GFM2: variants seen among roughly 807,000 people sequenced by gnomAD.
GFM2 encodes the protein GTP dependent ribosome recycling factor mitochondrial 2, also known as ribosome-releasing factor 2, mitochondrial.
Under a neutral mutation model 95.4 loss-of-function variants are expected in GFM2, and 72 were observed. That is an observed-to-expected ratio of 0.76 (90% confidence interval 0.62 to 0.92). The LOEUF (loss-of-function observed/expected upper bound fraction) is 0.92, where lower values mean the gene tolerates loss of function less well. GFM2 is among the 40% of genes least tolerant of loss of function. The pLI is 0.00. For missense variants in GFM2, 825 were observed against 924.1 expected (o/e 0.89, Z 1.39); for synonymous variants, 276 against 317.5 (o/e 0.87, Z 1.39).
chr5:74,722,221 A>G, intron 20 of GFM2, 158 bp downstream of exon 20: 1 of 647,470 alleles, frequency 1.5e-6, no homozygotes, highest in Non-Finnish European at 2.6e-6. Context: ...ATTTAAATTC[A>G]AAGTCCTAAC....
chr5:74,726,259 C>T, intron 17 of GFM2, 133 bp from the exon 18 acceptor site: 1 of 595,182 alleles, frequency 1.7e-6, no homozygotes, highest in Non-Finnish European at 2.9e-6. Flanking sequence ...TTAACAATGG[C>T]ACTAAATACA....
At chr5:74,751,334 G>T in intron 6 of GFM2, 34 bp downstream of exon 6, 1 of 1,566,354 alleles carries the variant, frequency 6.4e-7, no homozygotes. Context: ...TCCAAATGAC[G>T]CAGCATCTCT....
At chr5:74,759,619 A>G (rs992398583) in intron 3 of GFM2, among the ~76,000 whole-genome samples, 193 bp from the exon 4 acceptor site, 3 of 152,156 alleles carry the variant, frequency 2.0e-5, no homozygotes, top group African/African-American at 7.2e-5. Context: ...ATGACAATAA[A>G]ACAAGGTAAA....
chr5:74,750,482 T>G, intron 7 of GFM2, 97 bp downstream of exon 7: 1 of 736,666 alleles, frequency 1.4e-6, no homozygotes, highest in African/African-American at 1.8e-5. Flanking sequence ...TATGTGAACT[T>G]ACCAAATAGA....
intron 17 of GFM2, among the ~76,000 whole-genome samples, chr5:74,726,392 G>A (rs992123430): frequency 2.7e-4 from 41 of 152,252 alleles, no homozygotes; most frequent in South Asian, 4.1e-4. Flanking sequence ...CACATGTTAC[G>A]AAGATTATAC....
At chr5:74,763,979 G>A (rs747853345) in intron 1 of GFM2, among the ~76,000 whole-genome samples, 1 of 151,682 alleles carries the variant, frequency 6.6e-6, no homozygotes, top group Non-Finnish European at 1.5e-5. Context: ...GGTTTAAAAT[G>A]TCCCTTATTT....
chr5:74,725,918 T>C, intron 18 of GFM2, 23 bp downstream of exon 18: 1 of 1,592,746 alleles, frequency 6.3e-7, no homozygotes, highest in Non-Finnish European at 8.6e-7. Flanking sequence ...ATACTAATGC[T>C]TACTCTCATT....
chr5:74,761,509 A>G (rs1744281102), intron 2 of GFM2, among the ~76,000 whole-genome samples: 1 of 152,194 alleles, frequency 6.6e-6, no homozygotes, highest in South Asian at 2.1e-4. Flanking sequence ...CTCTAAAACC[A>G]TTAGTTGTTT....
intron 10 of GFM2, among the ~76,000 whole-genome samples, chr5:74,744,370 A>G (rs1397425143): frequency 1.3e-5 from 2 of 152,028 alleles, no homozygotes; most frequent in African/African-American, 4.8e-5. Context: ...CTTAAAAAAA[A>G]AAACTATGTA....
Position 74,736,786 on chromosome 5 carries a change from C to G in GFM2, c.1510+10G>C, listed in dbSNP as rs1360803132. ...GCACTAATTAGTTGACACACTAAGA[C>G]CATTTATACCTGGCTGCTTAGACAG... is the stretch of plus-strand genomic sequence containing the variant. On this transcript the variant is annotated intron_variant, in intron 15 of 20. Coordinates refer to ENST00000296805, the MANE Select transcript of GFM2 (RefSeq NM_032380.5). 2 of 1,613,432 alleles carry G rather than the reference C, an allele frequency of 1.2e-6. No homozygotes were observed. The highest frequency in any genetic ancestry group is 1.7e-6 in the Non-Finnish European group (2 of 1,179,570).
rs1265865854 is a variant in GFM2 at position 74,750,634 on chromosome 5, C to A, written c.464G>T (p.Cys155Phe). The A allele has an allele frequency of 1.2e-6, 2 of 1,613,418 alleles. No homozygotes were observed. The highest frequency in any genetic ancestry group is 1.7e-6 in the Non-Finnish European group (2 of 1,179,572). ...CACTGCACCATCCAACACTCTTAGG[C>A]ACCGCTCAACCTCCAAGGTAAAGTC... ...HVDFTLEVERCLRVLDGAVAV... is the reference protein window; with the variant it reads ...HVDFTLEVERFLRVLDGAVAV... The change falls in exon 7 of 21, where the codon TGC becomes TTC. Residue 155 changes from cysteine (C) to phenylalanine (F), a missense_variant. Coordinates refer to ENST00000296805, the MANE Select transcript of GFM2 (RefSeq NM_032380.5).
In GFM2 at chr5:74,747,722, A is replaced by T. The variant is rs1417566686; in HGVS notation, c.578T>A (p.Phe193Tyr). 5 of 1,612,714 alleles carry T rather than the reference A, an allele frequency of 3.1e-6. No individual in the cohort carries two copies. Among genetic ancestry groups the T allele is most frequent in the Non-Finnish European group, 4.2e-6 (5 of 1,178,854 alleles). The stretch of plus-strand genomic sequence containing the variant: ...TCCAGTTTTGTCCATCTTGTTTAAA[A>T]AACAGATTCGAGGTATATTGTGTTT... ...ADKHNIPRIC[F>Y]LNKMDKTGAS... The change falls in exon 8 of 21, where the codon TTT becomes TAT. Residue 193 changes from phenylalanine to tyrosine, a missense_variant. By Grantham distance (22) the Phe-to-Tyr change is conservative. Transcript: ENST00000296805.
rs781014488 is a variant in GFM2 at position 74,725,669 on chromosome 5, A to C, written c.1999T>G (p.Ser667Ala). ...TGCACGCATCTTGAGACACAGGCAG[A>C]AATCATAGTTGTGGAGGTGCCAGGA... ...IHPGTSTTMISACVSRCVQKA... is the reference protein window; with the variant it reads ...IHPGTSTTMIAACVSRCVQKA... The change falls in exon 19 of 21, where the codon TCT becomes GCT. Residue 667 changes from serine to alanine, a missense_variant. Transcript: ENST00000296805. The C allele has an allele frequency of 2.5e-6, 4 of 1,613,646 alleles. No homozygotes were observed. In the East Asian group the frequency reaches 8.9e-5, roughly 36 times the overall value.
intron 17 of GFM2, among the ~76,000 whole-genome samples, chr5:74,728,694 G>C (rs1475189189): frequency 6.8e-6 from 1 of 147,096 alleles, no homozygotes; most frequent in Non-Finnish European, 1.5e-5. Context: ...TTTTTCTCAT[G>C]GTTTTCTGAT....
chr5:74,761,738 C>T (rs566486581), intron 2 of GFM2, among the ~76,000 whole-genome samples: 5 of 152,272 alleles, frequency 3.3e-5, no homozygotes, highest in Admixed American at 2.6e-4. Flanking sequence ...ACCTAACCTT[C>T]TCATGTTCTC....
chr5:74,743,239 G>C (rs867662011), intron 10 of GFM2, among the ~76,000 whole-genome samples: 2 of 152,100 alleles, frequency 1.3e-5, no homozygotes, highest in Admixed American at 6.6e-5. Flanking sequence ...ATCTCTTTGA[G>C]ACTCTTTTCA....
intron 1 of GFM2, among the ~76,000 whole-genome samples, chr5:74,766,004 CA>C (rs988272744): frequency 6.6e-6 from 1 of 150,898 alleles, no homozygotes; most frequent in African/African-American, 2.4e-5. Context: ...CGTCTCAAAA[CA>C]AAACAAAAAC....
chr5:74,746,102 T>C lies in GFM2; in HGVS notation c.669+3A>G. The C allele has an allele frequency of 6.5e-7, 1 of 1,546,972 alleles. No individual in the cohort carries two copies. Among genetic ancestry groups the C allele is most frequent in the South Asian group, 1.2e-5 (1 of 80,052 alleles). ...AAGAAGCTGATGCTATTAACCAATT[T>C]ACCTGTAAAAGCAAAGGCTTTGCCT... On this transcript the variant is annotated splice_donor_region_variant and intron_variant, in intron 9 of 20. Transcript: ENST00000296805.
At chr5:74,723,782 G>A (rs1310768875) in intron 19 of GFM2, among the ~76,000 whole-genome samples, 2 of 152,006 alleles carry the variant, frequency 1.3e-5, no homozygotes, top group Non-Finnish European at 2.9e-5. Flanking sequence ...CCATGCTCAC[G>A]TCCTCCAAAA....
Sources: gnomAD v4.1 joint callset for allele counts (sites outside exome capture counted in the v4.1 genomes callset) on GRCh38, gnomAD v4.1.1 for gene constraint, MANE v1.5 for transcripts, NCBI Gene and HGNC (gene_info 2026-07-23, HGNC 2026-07-21) for gene names.